The following PRDM1 variants were observed in gnomAD, a reference collection of about 807,000 sequenced individuals.
The protein encoded by PRDM1 is PR domain zinc finger protein 1.
Under a neutral mutation model 62.8 loss-of-function variants are expected in PRDM1, and 13 were observed. The ratio of observed to expected loss-of-function variants is 0.21; its 90% confidence interval spans 0.13 to 0.33. The LOEUF is 0.33. PRDM1 is among the 10% of genes least tolerant of loss of function. PRDM1 has a pLI of 1.00. For synonymous variants in PRDM1, 396 were observed against 417.6 expected (o/e 0.95, Z 0.63); for missense variants, 895 against 1,058.8 (o/e 0.85, Z 2.15).
At chr6:106,001,476 C>T (rs1487855822) in intron 1 of PRDM1, among the ~76,000 whole-genome samples, 2 of 152,108 alleles carry the variant, frequency 1.3e-5, no homozygotes, top group Non-Finnish European at 2.9e-5. Flanking sequence ...CTAAAAGCTT[C>T]ATAAAATTTT....
Position 106,106,305 on chromosome 6 carries a change from G to A in PRDM1, c.1774-66G>A. The A allele has an allele frequency of 6.3e-7, 1 of 1,585,708 alleles. No individual in the cohort carries two copies. The highest frequency in any genetic ancestry group is 1.1e-5 in the South Asian group (1 of 88,804). On this transcript the variant is annotated intron_variant, in intron 5 of 6. Transcript: ENST00000369096. The surrounding 1 kb of genome is among the most constrained non-coding windows in gnomAD (Gnocchi z 4.4). ...ATATTTGCATCAACACTTGAGTCTTGGAGCAGAAATGTTAGGTCTCAGAGC... is the reference window on the plus strand; with the variant it reads ...ATATTTGCATCAACACTTGAGTCTTAGAGCAGAAATGTTAGGTCTCAGAGC...
At chr6:106,072,193 A>G (rs879267070) in intron 1 of PRDM1, 1 of 152,236 alleles carries the variant, frequency 6.6e-6, no homozygotes. Flanking sequence ...GATGTCCTTC[A>G]TACTTCTTAG....
chr6:106,084,987 C>G (rs1251029791), upstream of PRDM1, among the ~76,000 whole-genome samples: 1 of 152,000 alleles, frequency 6.6e-6, no homozygotes, highest in Non-Finnish European at 1.5e-5. Context: ...AATCTTTTGC[C>G]TCTCCCCCTC....
chr6:106,098,174 TTAC>T, intron 3 of PRDM1: 6 of 985,158 alleles, frequency 6.1e-6, no homozygotes, highest in Middle Eastern at 5.2e-4. Flanking sequence ...GAACAGTGCC[TTAC>T]TGCTGCTTGG....
At chr6:106,052,527 G>A (rs1773193471) in intron 1 of PRDM1, among the ~76,000 whole-genome samples, 1 of 152,032 alleles carries the variant, frequency 6.6e-6, no homozygotes, top group Non-Finnish European at 1.5e-5. Context: ...TCCGATTGTG[G>A]CATAGGAAAA....
At chr6:106,043,816 G>A (rs1232884585), upstream of PRDM1, among the ~76,000 whole-genome samples, 2 of 152,208 alleles carry the variant, frequency 1.3e-5, no homozygotes, top group Non-Finnish European at 2.9e-5. Context: ...TTACAGGCAT[G>A]AGCCACCACA....
At chr6:106,081,460 A>G (rs1773692616), upstream of PRDM1, among the ~76,000 whole-genome samples, 1 of 152,184 alleles carries the variant, frequency 6.6e-6, no homozygotes, top group Admixed American at 6.5e-5. Flanking sequence ...TCCAGTTACC[A>G]AAAAAGAGTC....
intron 1 of PRDM1, among the ~76,000 whole-genome samples, chr6:106,029,367 C>T (rs1582431440): frequency 6.6e-6 from 1 of 152,218 alleles, no homozygotes; most frequent in Non-Finnish European, 1.5e-5. Context: ...GTTGGTCCAG[C>T]ACCATATGTT....
chr6:106,044,407 A>T (rs1015629649), upstream of PRDM1, among the ~76,000 whole-genome samples: 17 of 152,200 alleles, frequency 1.1e-4, no homozygotes, highest in African/African-American at 4.1e-4. Flanking sequence ...TAAATCACTT[A>T]GTACTTTTTG....
At chr6:106,020,566 A>C (rs984539225) in intron 1 of PRDM1, among the ~76,000 whole-genome samples, 5 of 152,190 alleles carry the variant, frequency 3.3e-5, no homozygotes, top group Non-Finnish European at 7.3e-5. Context: ...GGAGAGATTA[A>C]GCAGTTTGCC....
chr6:106,102,193 C>A (rs1358343237), intron 4 of PRDM1, among the ~76,000 whole-genome samples: 1 of 152,152 alleles, frequency 6.6e-6, no homozygotes, highest in African/African-American at 2.4e-5. Context: ...AGAAGCAGTT[C>A]ACTCTTGAAA....
chr6:106,073,196 C>A (rs889692973), intron 1 of PRDM1, among the ~76,000 whole-genome samples: 9 of 151,322 alleles, frequency 5.9e-5, no homozygotes, highest in Non-Finnish European at 1.0e-4. Context: ...CCCACTGCAA[C>A]CTCCACCTCC....
At chr6:106,041,789 G>A (rs1355147115) in intron 1 of PRDM1, among the ~76,000 whole-genome samples, 5 of 149,904 alleles carry the variant, frequency 3.3e-5, no homozygotes, top group African/African-American at 9.8e-5. Flanking sequence ...TGGTGGCATC[G>A]TTCTTCCTAG....
chr6:106,002,522 G>T (rs1772438646), intron 1 of PRDM1, among the ~76,000 whole-genome samples: 1 of 152,204 alleles, frequency 6.6e-6, no homozygotes, highest in East Asian at 1.9e-4. Context: ...TCTAATATTA[G>T]AAATGAATTT....
intron 3 of PRDM1, chr6:106,098,818 G>A (rs1774183246): frequency 6.6e-7 from 1 of 1,521,856 alleles, no homozygotes; most frequent in African/African-American, 1.4e-5. Context: ...GGGCGGGGGT[G>A]TAGGAAACGG....
At chr6:106,032,437 C>T (rs768182530) in intron 1 of PRDM1, among the ~76,000 whole-genome samples, 1 of 151,796 alleles carries the variant, frequency 6.6e-6, no homozygotes, top group Non-Finnish European at 1.5e-5. Context: ...AGTACAATAC[C>T]GTATTTTCTT....
chr6:106,071,741 T>A (rs1249170988), intron 1 of PRDM1, among the ~76,000 whole-genome samples: 1 of 151,320 alleles, frequency 6.6e-6, no homozygotes, highest in Non-Finnish European at 1.5e-5. Context: ...TATATTCAGA[T>A]GCCATTCCTG....
At chr6:106,051,247 G>T (rs1337221071) in intron 1 of PRDM1, among the ~76,000 whole-genome samples, 1 of 152,214 alleles carries the variant, frequency 6.6e-6, no homozygotes, top group African/African-American at 2.4e-5. Context: ...ATGTAATAAG[G>T]TTCCTTGTTA....
At chr6:106,071,780 C>T (rs9373831) in intron 1 of PRDM1, among the ~76,000 whole-genome samples, 1 of 147,604 alleles carries the variant, frequency 6.8e-6, no homozygotes, top group African/African-American at 2.6e-5. Context: ...AGTATATTTT[C>T]TTTGCTTGGA....
Sources: gnomAD v4.1 joint callset for allele counts (sites outside exome capture counted in the v4.1 genomes callset) on GRCh38, gnomAD v4.1.1 for gene constraint, Gnocchi (gnomAD v3.1) non-coding constraint, MANE v1.5 for transcripts, NCBI Gene and HGNC (gene_info 2026-07-23, HGNC 2026-07-21) for gene names.